Variants in TMEM163 observed in about 807,000 individuals in gnomAD.
The protein encoded by TMEM163 is transmembrane protein 163.
A neutral mutation model predicts 29.3 loss-of-function variants in TMEM163; 17 were observed. That is an observed-to-expected ratio of 0.58 (90% confidence interval 0.40 to 0.87). TMEM163 has a LOEUF of 0.87. Ranked by LOEUF, TMEM163 falls within the 40% of genes least tolerant of loss-of-function variation. TMEM163 has a pLI of 0.00. For synonymous variants in TMEM163, 157 were observed against 160.6 expected, an observed-to-expected ratio of 0.98 and a Z score of 0.17; for missense variants, 303 against 381.5, an observed-to-expected ratio of 0.79 and a Z score of 1.71.
Position 134,609,920 on chromosome 2 carries a change from G to C in TMEM163, c.323-57829C>G, listed in dbSNP as rs140307887. Among the ~76,000 whole-genome samples, 1,404 of 152,234 alleles carry C rather than the reference G, an allele frequency of 9.2e-3. 11 individuals are homozygous for C. The highest frequency in any genetic ancestry group is 0.014 in the Admixed American group (213 of 15,294). On this transcript the variant is annotated intron_variant, in intron 2 of 7. Transcript: ENST00000281924. ...ACCCCGAGAACTGTGCTGGTGAAAA[G>C]GGCACAGAAGGGCTGAGGAAAGGTT...
intron 4 of TMEM163, among the ~76,000 whole-genome samples, chr2:134,535,964 C>G (rs976123933): frequency 1.3e-5 from 2 of 152,186 alleles, no homozygotes; most frequent in Admixed American, 6.5e-5. Flanking sequence ...CTCCAGTGAT[C>G]TGCCCGCCTC....
chr2:134,696,199 T>C (rs1684577739), intron 2 of TMEM163, among the ~76,000 whole-genome samples: 1 of 152,200 alleles, frequency 6.6e-6, no homozygotes. Context: ...ATTATTTCCC[T>C]CCCTGATGTG....
chr2:134,473,633 G>A (rs1457484719), intron 5 of TMEM163, among the ~76,000 whole-genome samples: 2 of 151,784 alleles, frequency 1.3e-5, no homozygotes, highest in Non-Finnish European at 2.9e-5. Context: ...GATCAGTAAT[G>A]TAGGATAAAC....
At chr2:134,568,497 G>A (rs1253651317) in intron 2 of TMEM163, among the ~76,000 whole-genome samples, 2 of 151,274 alleles carry the variant, frequency 1.3e-5, no homozygotes, top group Non-Finnish European at 2.9e-5. Flanking sequence ...CTGCACTCCA[G>A]CCTGGGTGAC....
chr2:134,472,455 A>C (rs545109464), intron 5 of TMEM163, among the ~76,000 whole-genome samples: 25 of 152,374 alleles, frequency 1.6e-4, no homozygotes, highest in Non-Finnish European at 2.5e-4. Context: ...CTAACCAAAA[A>C]TATTACAAGG....
intron 2 of TMEM163, among the ~76,000 whole-genome samples, chr2:134,706,349 C>T (rs1369363235): frequency 1.3e-5 from 2 of 152,238 alleles, no homozygotes; most frequent in Non-Finnish European, 2.9e-5. Flanking sequence ...AGTGCCCAAG[C>T]AGGGAGGCGG....
intron 2 of TMEM163, among the ~76,000 whole-genome samples, chr2:134,706,842 T>C (rs1307669534): frequency 6.6e-6 from 1 of 152,080 alleles, no homozygotes; most frequent in Non-Finnish European, 1.5e-5. Context: ...CTGTCTGAAA[T>C]ATGCGTCCGT....
intron 2 of TMEM163, among the ~76,000 whole-genome samples, chr2:134,589,874 C>G (rs1277705955): frequency 6.6e-6 from 1 of 152,080 alleles, no homozygotes; most frequent in East Asian, 1.9e-4. Flanking sequence ...AACAGAATGA[C>G]CCATTGAGCA....
At chr2:134,616,067 G>C (rs565101298) in intron 2 of TMEM163, among the ~76,000 whole-genome samples, 2 of 152,188 alleles carry the variant, frequency 1.3e-5, no homozygotes, top group Non-Finnish European at 2.9e-5. Flanking sequence ...GTATGATTCG[G>C]GAGGTAAAGC....
chr2:134,709,453 A>G (rs1194492855), intron 2 of TMEM163, among the ~76,000 whole-genome samples: 3 of 152,238 alleles, frequency 2.0e-5, no homozygotes, highest in Non-Finnish European at 4.4e-5. Flanking sequence ...ACTATACCAG[A>G]CATATGAATG....
chr2:134,565,786 T>C (rs980852616), intron 2 of TMEM163, among the ~76,000 whole-genome samples: 1 of 152,218 alleles, frequency 6.6e-6, no homozygotes, highest in African/African-American at 2.4e-5. Flanking sequence ...ATACATGAAT[T>C]ACAGCTAATC....
intron 5 of TMEM163, among the ~76,000 whole-genome samples, chr2:134,482,514 T>G (rs1679214743): frequency 6.6e-6 from 1 of 152,246 alleles, no homozygotes; most frequent in African/African-American, 2.4e-5. Context: ...CAAGCCATCC[T>G]GACACTACAT....
At chr2:134,490,949 G>T (rs531032221) in intron 5 of TMEM163, among the ~76,000 whole-genome samples, 47 of 152,236 alleles carry the variant, frequency 3.1e-4, no homozygotes, top group African/African-American at 9.4e-4. Context: ...GGATCATGTT[G>T]TTCATATTAT....
chr2:134,485,689 T>C (rs1679292063), intron 5 of TMEM163, among the ~76,000 whole-genome samples: 1 of 152,222 alleles, frequency 6.6e-6, no homozygotes, highest in Non-Finnish European at 1.5e-5. Flanking sequence ...CAACTGATCA[T>C]AGATGTTCAT....
At chr2:134,595,264 TC>T (rs1682046738) in intron 2 of TMEM163, among the ~76,000 whole-genome samples, 1 of 151,552 alleles carries the variant, frequency 6.6e-6, no homozygotes, top group Non-Finnish European at 1.5e-5. Flanking sequence ...CCCTCCCCAC[TC>T]CCCCCAACCC....
intron 2 of TMEM163, among the ~76,000 whole-genome samples, chr2:134,707,281 T>C (rs186497002): frequency 9.8e-5 from 15 of 152,288 alleles, no homozygotes; most frequent in Admixed American, 9.2e-4. Flanking sequence ...AAGGATTAGA[T>C]GCCACATCTG....
At chr2:134,552,115 C>G in intron 2 of TMEM163, 24 bp from the exon 3 acceptor site, 2 of 1,590,354 alleles carry the variant, frequency 1.3e-6, no homozygotes, top group Non-Finnish European at 1.7e-6. Context: ...AAATATTATT[C>G]AGAATATTTT....
chr2:134,465,437 T>C (rs1348833928), intron 6 of TMEM163, among the ~76,000 whole-genome samples: 2 of 152,202 alleles, frequency 1.3e-5, no homozygotes, highest in Non-Finnish European at 2.9e-5. Context: ...TGCCCAGGAA[T>C]AAATCAAAGC....
chr2:134,533,931 G>A (rs1019534761), intron 4 of TMEM163, among the ~76,000 whole-genome samples: 1 of 152,124 alleles, frequency 6.6e-6, no homozygotes, highest in African/African-American at 2.4e-5. Context: ...TTCACCAAAG[G>A]TTGAAGTGTC....
Sources: allele counts gnomAD v4.1 joint callset (sites outside exome capture counted in the v4.1 genomes callset), GRCh38; gene constraint gnomAD v4.1.1; transcripts MANE v1.5; gene names NCBI Gene and HGNC (gene_info 2026-07-23, HGNC 2026-07-21).